Variants in GRXCR1 observed in about 807,000 individuals in gnomAD.
GRXCR1 encodes glutaredoxin and cysteine rich domain containing 1, also known as glutaredoxin domain-containing cysteine-rich protein 1.
Under a neutral mutation model 27.3 loss-of-function variants are expected in GRXCR1, and 27 were observed. The observed-to-expected ratio is 0.99, with a 90% CI of 0.73 to 1.37. The LOEUF (loss-of-function observed/expected upper bound fraction) is 1.37, where lower values mean the gene tolerates loss of function less well. Ranked by LOEUF, GRXCR1 falls within the 40% of genes most tolerant of loss-of-function variation. The probability of loss-of-function intolerance (pLI) is 0.00; values close to 1 mark genes in which losing one functional copy is unlikely to be tolerated. For missense variants in GRXCR1, 379 were observed against 354.4 expected (o/e 1.07, Z -0.56); for synonymous variants, 122 against 131.1 (o/e 0.93, Z 0.47).
chr4:42,906,054 C>T (rs1419115271), intron 1 of GRXCR1, among the ~76,000 whole-genome samples: 1 of 152,094 alleles, frequency 6.6e-6, no homozygotes, highest in Non-Finnish European at 1.5e-5. Flanking sequence ...TTCTGCCTGT[C>T]CTTGAGGATT....
intron 3 of GRXCR1, among the ~76,000 whole-genome samples, chr4:43,024,007 C>A (rs193268098): frequency 6.0e-4 from 92 of 152,078 alleles, no homozygotes; most frequent in Admixed American, 2.6e-3. Flanking sequence ...TGCTGGTGTC[C>A]ATGCAGGGAG....
At chr4:42,911,467 C>A (rs1452043955) in intron 1 of GRXCR1, among the ~76,000 whole-genome samples, 3 of 152,066 alleles carry the variant, frequency 2.0e-5, no homozygotes, top group Non-Finnish European at 4.4e-5. Context: ...GGGAAATACA[C>A]TGCAATATGA....
intron 2 of GRXCR1, among the ~76,000 whole-genome samples, chr4:42,970,896 T>C (rs1748369166): frequency 6.6e-6 from 1 of 152,212 alleles, no homozygotes; most frequent in Non-Finnish European, 1.5e-5. Context: ...TATGCTCTTC[T>C]TCCCTTTTAA....
intron 1 of GRXCR1, among the ~76,000 whole-genome samples, chr4:42,904,067 G>A (rs1746530159): frequency 6.6e-6 from 1 of 152,328 alleles, no homozygotes; most frequent in Admixed American, 6.5e-5. Flanking sequence ...AGGGAGTTCT[G>A]TACTAGACAT....
intron 1 of GRXCR1, among the ~76,000 whole-genome samples, chr4:42,951,329 C>T (rs1747877866): frequency 6.6e-6 from 1 of 152,182 alleles, no homozygotes; most frequent in Non-Finnish European, 1.5e-5. Context: ...GAAACACCCT[C>T]ACAGACATAC....
chr4:43,030,213 A>G (rs1032493467), intron 3 of GRXCR1, 148 bp from the exon 4 acceptor site: 2 of 705,664 alleles, frequency 2.8e-6, no homozygotes, highest in Admixed American at 4.2e-5. Flanking sequence ...TGTAATGTGT[A>G]TTAATGGTAG....
chr4:42,904,550 G>A (rs767054920), intron 1 of GRXCR1, among the ~76,000 whole-genome samples: 8 of 152,158 alleles, frequency 5.3e-5, no homozygotes, highest in Non-Finnish European at 1.0e-4. Flanking sequence ...GTTGTTTAAT[G>A]TGGGAAAATG....
intron 2 of GRXCR1, among the ~76,000 whole-genome samples, chr4:43,012,882 CG>C (rs1712804097): frequency 6.6e-6 from 1 of 151,978 alleles, no homozygotes; most frequent in East Asian, 1.9e-4. Context: ...TAAAAATGTG[CG>C]AAAGACATGA....
At chr4:42,986,891 CCAAA>C (rs1711742700) in intron 2 of GRXCR1, among the ~76,000 whole-genome samples, 1 of 151,682 alleles carries the variant, frequency 6.6e-6, no homozygotes, top group African/African-American at 2.4e-5. Context: ...AAAGAAGAAG[CCAAA>C]CAGTCACCGA....
At chr4:42,930,616 G>A (rs1747284084) in intron 1 of GRXCR1, among the ~76,000 whole-genome samples, 2 of 151,874 alleles carry the variant, frequency 1.3e-5, no homozygotes, top group South Asian at 2.1e-4. Context: ...TTTTTAAAAA[G>A]TATTGGTTTT....
chr4:42,952,986 G>A (rs1333208549), intron 1 of GRXCR1, among the ~76,000 whole-genome samples: 2 of 152,228 alleles, frequency 1.3e-5, no homozygotes, highest in African/African-American at 2.4e-5. Flanking sequence ...GCGGTCCTAC[G>A]TCAAGGACAT....
chr4:43,024,521 TA>T (rs1713194489), intron 3 of GRXCR1, among the ~76,000 whole-genome samples: 1 of 152,024 alleles, frequency 6.6e-6, no homozygotes, highest in Admixed American at 6.6e-5. Flanking sequence ...TTCTCTGAAA[TA>T]AAAACATCTA....
chr4:42,903,529 G>A (rs181150484), intron 1 of GRXCR1, among the ~76,000 whole-genome samples: 4 of 146,932 alleles, frequency 2.7e-5, no homozygotes, highest in Non-Finnish European at 6.0e-5. Flanking sequence ...AGCCAGGATG[G>A]TCTCTATCTC....
rs267606856 is a variant in GRXCR1 at position 42,962,919 on chromosome 4, C to T, written c.412C>T (p.Arg138Cys). 41 of 1,612,274 alleles carry T rather than the reference C, an allele frequency of 2.5e-5. No individual in the cohort carries two copies. In the South Asian group the frequency reaches 3.5e-4, roughly 14 times the overall value. ...QQPSTDLEFDRVVIYTTCLRV... is the reference protein window; with the variant it reads ...QQPSTDLEFDCVVIYTTCLRV... The stretch of plus-strand genomic sequence containing the variant: ...ACCATCAACTGATCTAGAATTTGAC[C>T]GTGTAGTGATTTATACCACCTGCCT... The change falls in exon 2 of 4, where the codon CGT becomes TGT. Residue 138 changes from arginine (R) to cysteine (C), a missense_variant. By Grantham distance (180) the Arg-to-Cys change is radical. Transcript: ENST00000399770.
chr4:42,907,270 A>T (rs1362394404), intron 1 of GRXCR1, among the ~76,000 whole-genome samples: 1 of 152,168 alleles, frequency 6.6e-6, no homozygotes, highest in Non-Finnish European at 1.5e-5. Context: ...GGGTCTGGGA[A>T]CATTCACTAC....
At chr4:43,026,801 C>G (rs1713271486) in intron 3 of GRXCR1, among the ~76,000 whole-genome samples, 1 of 152,118 alleles carries the variant, frequency 6.6e-6, no homozygotes, top group South Asian at 2.1e-4. Flanking sequence ...TCTATCACAT[C>G]AGGTTGGTGT....
At chr4:42,935,727 C>T (rs529930896) in intron 1 of GRXCR1, among the ~76,000 whole-genome samples, 42 of 149,540 alleles carry the variant, frequency 2.8e-4, no homozygotes, top group Admixed American at 6.7e-4. Context: ...AAGCATCTGG[C>T]AAGATTAAAA....
intron 2 of GRXCR1, among the ~76,000 whole-genome samples, chr4:43,001,667 G>A (rs9631554): frequency 0.028 from 4,311 of 152,198 alleles, 209 homozygotes; most frequent in African/African-American, 0.099. Context: ...ACACCTGCGG[G>A]TATTTCTAGT....
rs116173192 is a variant in GRXCR1, at chr4:42,959,560, A to G, written c.385-3332A>G. On this transcript the variant is annotated intron_variant, in intron 1 of 3. Coordinates refer to ENST00000399770, the MANE Select transcript of GRXCR1 (RefSeq NM_001080476.3). Reference sequence around the variant, plus strand: ...GGTTTTAGGCAATTTTACCGCAAAAATGTAGCTATGTGGAATAATGTATGT... The same window carrying G: ...GGTTTTAGGCAATTTTACCGCAAAAGTGTAGCTATGTGGAATAATGTATGT... Among the ~76,000 whole-genome samples the G allele has an allele frequency of 5.4e-3, 814 of 152,092 alleles. 3 individuals are homozygous for G. The highest frequency in any genetic ancestry group is 9.3e-3 in the Non-Finnish European group (631 of 67,924).
Sources: allele counts gnomAD v4.1 joint callset (sites outside exome capture counted in the v4.1 genomes callset), GRCh38; gene constraint gnomAD v4.1.1; transcripts MANE v1.5; gene names NCBI Gene and HGNC (gene_info 2026-07-23, HGNC 2026-07-21).